Variants in BCAR3 observed in about 807,000 individuals in gnomAD.
The protein encoded by BCAR3 is BCAR3 adaptor protein, NSP family member, also known as breast cancer anti-estrogen resistance protein 3.
A neutral mutation model predicts 80.1 loss-of-function variants in BCAR3; 37 were observed. The ratio of observed to expected loss-of-function variants is 0.46; its 90% CI spans 0.36 to 0.61. BCAR3 has a LOEUF of 0.61. BCAR3 is among the 20% of genes least tolerant of loss of function. BCAR3 has a pLI of 0.00. For synonymous variants in BCAR3, 389 were observed against 418.9 expected (o/e 0.93, Z 0.87); for missense variants, 978 against 1,068.2 (o/e 0.92, Z 1.18).
chr1:93,822,531 GT>G (rs1261920775), intron 2 of BCAR3, among the ~76,000 whole-genome samples: 1 of 151,994 alleles, frequency 6.6e-6, no homozygotes, highest in Non-Finnish European at 1.5e-5. Context: ...TAGAGATGGG[GT>G]TTTGCCATGT....
rs1472948533 is a variant in BCAR3, at chr1:93,847,006, CTGGGTCGGGCG to C, written c.-209+53_-209+63del. On this transcript the variant is annotated intron_variant, in intron 1 of 13. Transcript: ENST00000370244. ...CGCTCGCGCGCAGGTCCAGCCGCGG[CTGGGTCGGGCG>C]CGGCGGCCGGGCGCGAGGGAAGAGC... The C allele has an allele frequency of 4.6e-4, 26 of 56,422 alleles. 1 individual carries two copies. Among genetic ancestry groups the C allele is most frequent in the African/African-American group, 1.2e-3 (10 of 8,602 alleles). 3.5% of individuals were successfully genotyped at this position (56,422 alleles called of 1,614,324 possible). A position where few individuals can be genotyped will look rare whatever the true frequency, so the allele number is the denominator to read the frequency against.
intron 2 of BCAR3, among the ~76,000 whole-genome samples, chr1:93,658,008 C>T (rs961428107): frequency 6.6e-6 from 1 of 151,292 alleles, no homozygotes; most frequent in Non-Finnish European, 1.5e-5. Context: ...TGGCATGATC[C>T]TGGCTCACTG....
chr1:93,661,781 G>A (rs573648825), intron 2 of BCAR3, among the ~76,000 whole-genome samples: 5 of 152,186 alleles, frequency 3.3e-5, no homozygotes, highest in Non-Finnish European at 7.3e-5. Flanking sequence ...TAGCCACTGC[G>A]CCCAGCCCCA....
At chr1:93,815,087 G>A (rs1653970409) in intron 2 of BCAR3, among the ~76,000 whole-genome samples, 1 of 152,202 alleles carries the variant, frequency 6.6e-6, no homozygotes, top group Admixed American at 6.5e-5. Context: ...CAGAGCTACA[G>A]TTTATTGGGT....
intron 3 of BCAR3, among the ~76,000 whole-genome samples, chr1:93,624,051 A>G (rs1293120464): frequency 6.6e-6 from 1 of 152,156 alleles, no homozygotes; most frequent in Non-Finnish European, 1.5e-5. Context: ...CTCTAGGAAG[A>G]GGGAGAGGGA....
chr1:93,818,349 G>A (rs141518522), intron 2 of BCAR3, among the ~76,000 whole-genome samples: 1 of 152,260 alleles, frequency 6.6e-6, no homozygotes, highest in African/African-American at 2.4e-5. Context: ...AATGTCTACC[G>A]CCTCCTTCTC....
At chr1:93,670,586 C>T (rs1571028508) in intron 2 of BCAR3, among the ~76,000 whole-genome samples, 1 of 152,138 alleles carries the variant, frequency 6.6e-6, no homozygotes, top group East Asian at 1.9e-4. Context: ...CTAATCCTAG[C>T]TCAGTTATCC....
chr1:93,574,737 C>T (rs1032434495), intron 8 of BCAR3, among the ~76,000 whole-genome samples: 3 of 152,146 alleles, frequency 2.0e-5, no homozygotes, highest in African/African-American at 7.2e-5. Flanking sequence ...AGGTCAGGCC[C>T]CTAGGGCAGG....
intron 5 of BCAR3, among the ~76,000 whole-genome samples, chr1:93,587,558 GC>G (rs1673994658): frequency 6.6e-6 from 1 of 152,186 alleles, no homozygotes; most frequent in South Asian, 2.1e-4. Context: ...TGGGTCCCCA[GC>G]CAGATGCTGA....
rs150484354 is a variant in BCAR3, at chr1:93,589,167, C to T, written c.739G>A (p.Ala247Thr). ...CTGTTGATGGGCTGGAAGATGATGG[C>T]GCCACTCTGCTGGGAGATGGGCCGG... ...NRRPISQQSG[A>T]IIFQPINRTV... The change falls in exon 5 of 12, where the codon GCC becomes ACC. Residue 247 changes from alanine (A) to threonine (T), a missense_variant. Ala to Thr is a moderately conservative substitution (Grantham distance 58, BLOSUM62 0). Coordinates refer to ENST00000260502, the MANE Select transcript of BCAR3 (RefSeq NM_003567.4). The T allele has an allele frequency of 3.7e-4, 598 of 1,613,702 alleles. No homozygotes were observed. Among genetic ancestry groups the T allele is most frequent in the Middle Eastern group, 8.3e-4 (5 of 6,038 alleles).
chr1:93,717,858 T>C (rs543975551), intron 2 of BCAR3, among the ~76,000 whole-genome samples: 1 of 151,832 alleles, frequency 6.6e-6, no homozygotes, highest in Non-Finnish European at 1.5e-5. Flanking sequence ...AGTCTGAGAG[T>C]GTGGCCTGCG....
At chr1:93,800,761 C>A (rs1047422259) in intron 2 of BCAR3, among the ~76,000 whole-genome samples, 1 of 152,114 alleles carries the variant, frequency 6.6e-6, no homozygotes, top group East Asian at 1.9e-4. Context: ...GAAGTATGAG[C>A]ACTATAAAGT....
intron 2 of BCAR3, among the ~76,000 whole-genome samples, chr1:93,777,884 C>T (rs1234518586): frequency 6.6e-6 from 1 of 152,198 alleles, no homozygotes; most frequent in Non-Finnish European, 1.5e-5. Context: ...CCAGTATTAT[C>T]CAAAGGTGAA....
At position 93,787,194 on chromosome 1, in the gene BCAR3, G is replaced by A. The variant is rs112795448; in HGVS notation, c.-63+58373C>T. Reference sequence around the variant, plus strand: ...GCAGGGTTTCAATTCTCAGCTGACAGAGGCCCTGTGTCCCCAATGACTGGA... The same window carrying A: ...GCAGGGTTTCAATTCTCAGCTGACAAAGGCCCTGTGTCCCCAATGACTGGA... On this transcript the variant is annotated intron_variant, in intron 2 of 13. Transcript: ENST00000370244. Among the ~76,000 whole-genome samples the A allele has an allele frequency of 9.2e-4, 140 of 152,352 alleles. 3 individuals carry two copies. Among genetic ancestry groups the A allele is most frequent in the African/African-American group, 3.2e-3 (135 of 41,586 alleles).
In BCAR3 at chr1:93,568,407, C is replaced by G. The variant is rs921355409; in HGVS notation, c.1975-556G>C. Reference sequence around the variant, plus strand: ...TTCACATACAGCCTGGCCTGCTGGCCAGTCCACTGTCAAAATTCAAGGCAG... The same window carrying G: ...TTCACATACAGCCTGGCCTGCTGGCGAGTCCACTGTCAAAATTCAAGGCAG... On this transcript the variant is annotated intron_variant, in intron 9 of 11. Coordinates refer to ENST00000260502, the MANE Select transcript of BCAR3 (RefSeq NM_003567.4). Among the ~76,000 whole-genome samples the G allele has an allele frequency of 3.3e-5, 5 of 152,230 alleles. No homozygotes were observed. The East Asian group carries it at 9.7e-4, about 29-fold the overall frequency.
intron 2 of BCAR3, among the ~76,000 whole-genome samples, chr1:93,718,336 T>C (rs192134319): frequency 4.6e-4 from 70 of 152,290 alleles, no homozygotes; most frequent in African/African-American, 1.6e-3. Flanking sequence ...ACCCCAAAGA[T>C]GAAGGTAGAA....
At chr1:93,584,263 A>C in intron 5 of BCAR3, 142 bp from the exon 6 acceptor site, 1 of 688,372 alleles carries the variant, frequency 1.5e-6, no homozygotes, top group Admixed American at 2.9e-5. Context: ...CCTAAAAGTA[A>C]AGGAATGACC....
At chr1:93,723,501 CAG>C (rs1650477803) in intron 2 of BCAR3, 1 of 152,438 alleles carries the variant, frequency 6.6e-6, no homozygotes, top group African/African-American at 2.4e-5. Context: ...CCAGGGTCCT[CAG>C]GCCCAGTCTT....
intron 3 of BCAR3, among the ~76,000 whole-genome samples, chr1:93,631,562 G>A (rs1675620797): frequency 6.6e-6 from 1 of 152,154 alleles, no homozygotes; most frequent in African/African-American, 2.4e-5. Flanking sequence ...GAGGTGGACA[G>A]GCCACACCAG....
Sources: allele counts gnomAD v4.1 joint callset (sites outside exome capture counted in the v4.1 genomes callset), GRCh38; gene constraint gnomAD v4.1.1; transcripts MANE v1.5; gene names NCBI Gene and HGNC (gene_info 2026-07-23, HGNC 2026-07-21).